THSD4: variants seen among roughly 807,000 people sequenced by gnomAD.
THSD4 encodes thrombospondin type 1 domain containing 4.
THSD4 carries 69 observed loss-of-function variants against 119.0 expected under a neutral mutation model. That is an observed-to-expected ratio of 0.58 (90% CI 0.48 to 0.71). THSD4 has a LOEUF of 0.71. Ranked by LOEUF, THSD4 falls within the 30% of genes least tolerant of loss-of-function variation. THSD4 has a pLI of 0.00. For missense variants in THSD4, 1,393 were observed against 1,391.1 expected, an observed-to-expected ratio of 1.00 and a Z score of -0.02; for synonymous variants, 524 against 540.4, an observed-to-expected ratio of 0.97 and a Z score of 0.42.
chr15:71,403,277 T>A (rs941195200), intron 6 of THSD4, among the ~76,000 whole-genome samples: 3 of 152,190 alleles, frequency 2.0e-5, no homozygotes, highest in Non-Finnish European at 4.4e-5. Flanking sequence ...GCGTGAGAAT[T>A]GCATTTCTGA....
At chr15:71,599,684 G>A (rs1244076265) in intron 7 of THSD4, among the ~76,000 whole-genome samples, 1 of 152,214 alleles carries the variant, frequency 6.6e-6, no homozygotes, top group Non-Finnish European at 1.5e-5. Flanking sequence ...ACCTGATGAG[G>A]AGCATTTTAT....
intron 1 of THSD4, among the ~76,000 whole-genome samples, chr15:71,125,914 G>GAAA (rs2040451018): frequency 6.6e-6 from 1 of 152,244 alleles, no homozygotes; most frequent in Non-Finnish European, 1.5e-5. Flanking sequence ...GTGGCGCACA[G>GAAA]CCACATGTGC....
intron 16 of THSD4, chr15:71,767,414 T>A (rs2053733143): frequency 2.0e-5 from 3 of 152,222 alleles, no homozygotes; most frequent in Admixed American, 2.0e-4. Context: ...AAAAAATTAC[T>A]GCAGAAGAAT....
rs1359988455 is a variant in THSD4, at chr15:71,724,284, TA to T, written c.1358-4264del. Among the ~76,000 whole-genome samples the T allele has an allele frequency of 2.9e-3, 106 of 37,134 alleles. 2 individuals are homozygous for T. The East Asian group carries it at 0.033, about 12-fold the overall frequency. The allele number at this position is 37,134 out of a possible 152,430, so 24.4% of individuals were successfully genotyped here. On this transcript the variant is annotated intron_variant, in intron 8 of 17. Transcript: ENST00000261862. ...ATGATGGGATATATATATATATATA[TA>T]TATTTTTTTTTTCCCCCCAAGATGG...
chr15:71,725,731 G>A (rs1311699614), intron 8 of THSD4, among the ~76,000 whole-genome samples: 1 of 152,146 alleles, frequency 6.6e-6, no homozygotes, highest in Non-Finnish European at 1.5e-5. Context: ...GAATGATGGA[G>A]GCAGAAGCCA....
intron 7 of THSD4, among the ~76,000 whole-genome samples, chr15:71,599,785 G>A (rs893721746): frequency 2.6e-5 from 4 of 152,220 alleles, no homozygotes; most frequent in African/African-American, 7.2e-5. Context: ...AAGGGCAAAT[G>A]TCATCTCTCT....
At chr15:71,562,869 A>AT (rs1276472181) in intron 7 of THSD4, among the ~76,000 whole-genome samples, 4 of 151,826 alleles carry the variant, frequency 2.6e-5, no homozygotes, top group East Asian at 1.9e-4. Context: ...TGCTCGGCTA[A>AT]TTTTTTGTAT....
chr15:71,200,223 CATT>C (rs1014946397), intron 3 of THSD4, among the ~76,000 whole-genome samples: 11 of 152,124 alleles, frequency 7.2e-5, no homozygotes, highest in African/African-American at 2.7e-4. Context: ...TTCACCGAGT[CATT>C]GTTGGTCCAG....
intron 6 of THSD4, among the ~76,000 whole-genome samples, chr15:71,306,910 A>C (rs2045038120): frequency 6.6e-6 from 1 of 152,222 alleles, no homozygotes; most frequent in Non-Finnish European, 1.5e-5. Flanking sequence ...ACCAGTTTGA[A>C]GTACAAGCAT....
intron 3 of THSD4, among the ~76,000 whole-genome samples, chr15:71,174,816 G>GT (rs2043430270): frequency 6.6e-6 from 1 of 152,084 alleles, no homozygotes; most frequent in African/African-American, 2.4e-5. Context: ...GCCTCCTCAA[G>GT]TGGGTCCCTG....
rs61134274 is a variant in THSD4, at chr15:71,461,792, G to GT, written c.1152+49984dup. On this transcript the variant is annotated intron_variant, in intron 7 of 17. Coordinates refer to ENST00000261862, the MANE Select transcript of THSD4 (RefSeq NM_024817.3). ...GATGAAGACATATGGGCACTGTCAG[G>GT]TTTTTTTTTTTTTTTCTTCTCTAGT... Among the ~76,000 whole-genome samples the GT allele has an allele frequency of 5.3e-3, 769 of 144,320 alleles. 2 individuals carry two copies. Among genetic ancestry groups the GT allele is most frequent in the Middle Eastern group, 0.014 (4 of 286 alleles). The allele number at this position is 144,320 out of a possible 152,430, so 94.7% of individuals were successfully genotyped here.
intron 8 of THSD4, among the ~76,000 whole-genome samples, chr15:71,683,953 G>C (rs950138307): frequency 6.6e-6 from 1 of 152,182 alleles, no homozygotes; most frequent in South Asian, 2.1e-4. Context: ...TAGCCTGGAC[G>C]ACAGAGCAAG....
At chr15:71,272,422 A>G (rs1470201295) in intron 6 of THSD4, among the ~76,000 whole-genome samples, 3 of 135,630 alleles carry the variant, frequency 2.2e-5, no homozygotes, top group Admixed American at 7.6e-5. Context: ...AAAAAAAAAA[A>G]AGAAAGAAGT....
chr15:71,656,500 C>G (rs547614441), intron 7 of THSD4, among the ~76,000 whole-genome samples: 1 of 152,264 alleles, frequency 6.6e-6, no homozygotes, highest in South Asian at 2.1e-4. Context: ...TGGGGTTGGT[C>G]CCTCTTAATC....
intron 8 of THSD4, among the ~76,000 whole-genome samples, chr15:71,701,006 A>G (rs897572879): frequency 6.6e-6 from 1 of 152,114 alleles, no homozygotes; most frequent in Non-Finnish European, 1.5e-5. Flanking sequence ...TTTGGCCTCT[A>G]TAAGCATTAA....
chr15:71,581,859 C>G (rs1444001698), intron 7 of THSD4, among the ~76,000 whole-genome samples: 1 of 152,090 alleles, frequency 6.6e-6, no homozygotes, highest in African/African-American at 2.4e-5. Context: ...CTATTCCGTT[C>G]CATTGGTCTA....
At chr15:71,109,419 C>G (rs1297433920) in intron 1 of THSD4, among the ~76,000 whole-genome samples, 1 of 152,166 alleles carries the variant, frequency 6.6e-6, no homozygotes, top group Non-Finnish European at 1.5e-5. Context: ...CCAGATGGAT[C>G]CAAAACGAGC....
intron 8 of THSD4, among the ~76,000 whole-genome samples, chr15:71,709,297 C>T (rs2052460201): frequency 6.6e-6 from 1 of 152,082 alleles, no homozygotes; most frequent in African/African-American, 2.4e-5. Context: ...AGGCCTTAGC[C>T]AGTAATTAGT....
chr15:71,180,190 T>C (rs1176529453), intron 3 of THSD4, among the ~76,000 whole-genome samples: 2 of 146,046 alleles, frequency 1.4e-5, no homozygotes, highest in Non-Finnish European at 3.0e-5. Context: ...AAAAAGACAC[T>C]ATCAACAGAG....
Sources: gnomAD v4.1 joint callset for allele counts (sites outside exome capture counted in the v4.1 genomes callset) on GRCh38, gnomAD v4.1.1 for gene constraint, MANE v1.5 for transcripts, NCBI Gene and HGNC (gene_info 2026-07-23, HGNC 2026-07-21) for gene names.